IL21R: variants seen among roughly 807,000 people sequenced by gnomAD.
IL21R encodes interleukin 21 receptor.
Under a neutral mutation model 41.3 loss-of-function variants are expected in IL21R, and 14 were observed. The observed-to-expected ratio is 0.34, with a 90% confidence interval of 0.22 to 0.53. IL21R has a LOEUF of 0.53. IL21R is among the 20% of genes least tolerant of loss of function. IL21R has a pLI of 0.94. For missense variants in IL21R, 588 were observed against 681.6 expected (o/e 0.86, Z 1.53); for synonymous variants, 286 against 287.6 (o/e 0.99, Z 0.05).
intron 1 of IL21R, 39 bp from the exon 2 acceptor site, chr16:27,430,017 A>C: frequency 1.9e-6 from 3 of 1,581,236 alleles, no homozygotes; most frequent in South Asian, 1.1e-5. Context: ...GGGAGCCCTG[A>C]GCCCGCCTGG....
intron 1 of IL21R, among the ~76,000 whole-genome samples, chr16:27,424,293 C>T (rs574537013): frequency 6.6e-5 from 10 of 152,088 alleles, no homozygotes; most frequent in South Asian, 4.1e-4. Flanking sequence ...AGGCTGGTCT[C>T]GAACTCCTGA....
At chr16:27,437,755 T>A in intron 4 of IL21R, 68 bp downstream of exon 4, 7 of 1,258,118 alleles carry the variant, frequency 5.6e-6, no homozygotes, top group Non-Finnish European at 8.0e-6. Context: ...CTGACCTCTC[T>A]GGGCTCAGGT....
At chr16:27,434,312 C>T (rs781456654) in intron 2 of IL21R, 35 bp from the exon 3 acceptor site, 3 of 1,383,130 alleles carry the variant, frequency 2.2e-6, no homozygotes, top group East Asian at 2.3e-5. Flanking sequence ...CCAAGCCACC[C>T]CCCACCAAGG....
chr16:27,428,723 A>G (rs1179734219), intron 1 of IL21R, among the ~76,000 whole-genome samples: 22 of 152,188 alleles, frequency 1.4e-4, no homozygotes, highest in Admixed American at 1.4e-3. Context: ...CTGCTCCCCA[A>G]AGAGGTTCCT....
intron 7 of IL21R, among the ~76,000 whole-genome samples, chr16:27,445,775 G>A (rs1004850126): frequency 4.6e-5 from 7 of 152,182 alleles, no homozygotes; most frequent in African/African-American, 1.7e-4. Flanking sequence ...TGCCCAGCAC[G>A]CAACAGGCAG....
intron 3 of IL21R, among the ~76,000 whole-genome samples, chr16:27,436,080 G>T (rs370612743): frequency 6.6e-6 from 1 of 152,158 alleles, no homozygotes; most frequent in Admixed American, 6.5e-5. Context: ...TCAGGAGCCC[G>T]CAGGGTTGGT....
Position 27,430,022 on chromosome 16 carries a change from G to A in IL21R, c.-16-34G>A, listed in dbSNP as rs535274049. 8.4e-5 allele frequency: 134 copies of A among 1,591,944 alleles called. No individual in the cohort carries two copies. The East Asian group carries it at 1.3e-3, about 16-fold the overall frequency. ...GGGAGGCCGGGGGAGCCCTGAGCCCGCCTGGCTCACCCTCCACTGTACGTC... is the reference window on the plus strand; with the variant it reads ...GGGAGGCCGGGGGAGCCCTGAGCCCACCTGGCTCACCCTCCACTGTACGTC... On this transcript the variant is annotated intron_variant, in intron 1 of 8. Coordinates refer to ENST00000337929, the MANE Select transcript of IL21R (RefSeq NM_181078.3).
intron 3 of IL21R, 135 bp downstream of exon 3, chr16:27,434,584 G>C: frequency 1.6e-6 from 1 of 626,726 alleles, no homozygotes; most frequent in East Asian, 2.8e-5. Context: ...CACAGGACTT[G>C]AAAAGTCAGG....
chr16:27,421,139 G>C (rs1239369254), intron 1 of IL21R, among the ~76,000 whole-genome samples: 1 of 151,960 alleles, frequency 6.6e-6, no homozygotes, highest in Non-Finnish European at 1.5e-5. Flanking sequence ...ACTTCTTTCT[G>C]AACTCTCAGT....
At position 27,451,666 on chromosome 16, in the gene IL21R, C is replaced by T; in HGVS notation, c.*2383C>T. ...CCCAGGAATTTGAGGCTGCAGTGAG[C>T]TGTGATTACACCGTTGCACTCCAGC... On this transcript the variant is annotated 3_prime_UTR_variant, in exon 9 of 9. Transcript: ENST00000337929. 4.5e-6 allele frequency: 1 copy of T among 223,210 alleles called. No individual in the cohort carries two copies. The highest frequency in any genetic ancestry group is 9.0e-6 in the Non-Finnish European group (1 of 111,712). The allele number at this position is 223,210 out of a possible 1,614,324, so 13.8% of individuals were successfully genotyped here.
At chr16:27,448,311 C>T (rs905362524) in intron 8 of IL21R, 17 of 522,868 alleles carry the variant, frequency 3.3e-5, no homozygotes, top group African/African-American at 2.5e-4. Flanking sequence ...AAAAATTAGC[C>T]GGGTGTGGTG....
At chr16:27,404,119 G>A (rs969509553) in intron 1 of IL21R, among the ~76,000 whole-genome samples, 8 of 152,160 alleles carry the variant, frequency 5.3e-5, no homozygotes, top group African/African-American at 9.7e-5. Context: ...TCATTCCCAC[G>A]AGGACAGGCA....
At chr16:27,432,035 G>A (rs1247463868) in intron 2 of IL21R, among the ~76,000 whole-genome samples, 1 of 152,230 alleles carries the variant, frequency 6.6e-6, no homozygotes, top group Non-Finnish European at 1.5e-5. Flanking sequence ...TCTGAATGTT[G>A]GGTTCGTCCA....
At chr16:27,437,369 GC>G in intron 3 of IL21R, 118 bp from the exon 4 acceptor site, 2 of 804,314 alleles carry the variant, frequency 2.5e-6, no homozygotes, top group South Asian at 3.0e-5. Context: ...CCCCAGCCCT[GC>G]CTCAAATCCC....
rs1354906528 is a variant in IL21R, at chr16:27,451,052, G to T, written c.*1769G>T. On this transcript the variant is annotated 3_prime_UTR_variant, in exon 9 of 9. Coordinates refer to ENST00000337929, the MANE Select transcript of IL21R (RefSeq NM_181078.3). Reference sequence around the variant, plus strand: ...TTATAAGAGTGGGACTGTGAGCCTGGGATCGGGGGGTGTGAGACTTGGATG... The same window carrying T: ...TTATAAGAGTGGGACTGTGAGCCTGTGATCGGGGGGTGTGAGACTTGGATG... 1 of 233,578 alleles carries T rather than the reference G, an allele frequency of 4.3e-6. No individual in the cohort carries two copies. The highest frequency in any genetic ancestry group is 8.5e-6 in the Non-Finnish European group (1 of 118,242). The allele number at this position is 233,578 out of a possible 1,614,324, so 14.5% of individuals were successfully genotyped here.
intron 1 of IL21R, among the ~76,000 whole-genome samples, chr16:27,422,586 T>C (rs1165477320): frequency 6.6e-6 from 1 of 152,198 alleles, no homozygotes; most frequent in African/African-American, 2.4e-5. Flanking sequence ...CTTCAGTCCT[T>C]ATAAACTTCA....
chr16:27,437,784 T>C (rs2087299957), intron 4 of IL21R, 97 bp downstream of exon 4: 1 of 955,056 alleles, frequency 1.0e-6, no homozygotes, highest in Non-Finnish European at 1.6e-6. Context: ...CACCTCAGCC[T>C]CCCGTGTAGC....
chr16:27,405,610 C>T (rs1177985956), intron 1 of IL21R, among the ~76,000 whole-genome samples: 1 of 152,190 alleles, frequency 6.6e-6, no homozygotes, highest in East Asian at 1.9e-4. Flanking sequence ...GCCCTCGCAG[C>T]CCCTTCCTCA....
intron 1 of IL21R, among the ~76,000 whole-genome samples, chr16:27,428,337 T>C (rs2087112902): frequency 6.6e-6 from 1 of 152,214 alleles, no homozygotes; most frequent in Non-Finnish European, 1.5e-5. Flanking sequence ...CTTTGATGGC[T>C]CTGTGAGGGA....
Sources: allele counts gnomAD v4.1 joint callset (sites outside exome capture counted in the v4.1 genomes callset), GRCh38; gene constraint gnomAD v4.1.1; transcripts MANE v1.5; gene names NCBI Gene and HGNC (gene_info 2026-07-23, HGNC 2026-07-21).